GRM1: variants seen among roughly 807,000 people sequenced by gnomAD.
GRM1 encodes the protein metabotropic glutamate receptor 1.
Under a neutral mutation model 90.9 loss-of-function variants are expected in GRM1, and 33 were observed. The ratio of observed to expected loss-of-function variants is 0.36; its 90% CI spans 0.28 to 0.49. GRM1 has a LOEUF of 0.49. Ranked by LOEUF, GRM1 falls within the 20% of genes least tolerant of loss-of-function variation. The pLI is 0.99. For missense variants in GRM1, 1,190 were observed against 1,534.3 expected, an observed-to-expected ratio of 0.78 and a Z score of 3.75; for synonymous variants, 700 against 613.2, an observed-to-expected ratio of 1.14 and a Z score of -2.09.
At chr6:146,100,780 T>C (rs931406295) in intron 1 of GRM1, among the ~76,000 whole-genome samples, 3 of 152,188 alleles carry the variant, frequency 2.0e-5, no homozygotes, top group Non-Finnish European at 2.9e-5. Context: ...AATAATCTGC[T>C]GGTAATATGA....
chr6:146,329,629 G>A (rs1250599855), intron 3 of GRM1, among the ~76,000 whole-genome samples: 2 of 152,172 alleles, frequency 1.3e-5, no homozygotes, highest in African/African-American at 2.4e-5. Flanking sequence ...AATCACAGAT[G>A]CTCCTTGACT....
intron 5 of GRM1, among the ~76,000 whole-genome samples, chr6:146,369,593 C>A (rs776118341): frequency 6.6e-6 from 1 of 151,924 alleles, no homozygotes; most frequent in African/African-American, 2.4e-5. Flanking sequence ...CATTCAGTAG[C>A]GTGTCATTTA....
chr6:146,148,624 C>T (rs1461969627), intron 1 of GRM1, among the ~76,000 whole-genome samples: 1 of 151,820 alleles, frequency 6.6e-6, no homozygotes, highest in African/African-American at 2.4e-5. Context: ...ACTGAAACTT[C>T]GTGGAAAATG....
intron 7 of GRM1, among the ~76,000 whole-genome samples, chr6:146,406,517 T>C (rs1777353143): frequency 6.6e-6 from 1 of 152,104 alleles, no homozygotes; most frequent in Non-Finnish European, 1.5e-5. Context: ...AGCCTGTAAG[T>C]AGGTGCCCTT....
intron 1 of GRM1, among the ~76,000 whole-genome samples, chr6:146,040,049 G>A (rs1027504421): frequency 2.0e-5 from 3 of 151,948 alleles, no homozygotes; most frequent in Admixed American, 2.0e-4. Flanking sequence ...ATTGCCAAGG[G>A]GGTAAGATAT....
At chr6:146,194,510 C>G (rs1341679080) in intron 2 of GRM1, among the ~76,000 whole-genome samples, 1 of 152,176 alleles carries the variant, frequency 6.6e-6, no homozygotes, top group Admixed American at 6.6e-5. Context: ...TTTAATCTTT[C>G]AAAATAAGAG....
chr6:146,191,396 A>G (rs1778931522), intron 2 of GRM1, among the ~76,000 whole-genome samples: 1 of 152,180 alleles, frequency 6.6e-6, no homozygotes, highest in South Asian at 2.1e-4. Context: ...GAGGTGGTTT[A>G]CTGGATGGTT....
intron 7 of GRM1, among the ~76,000 whole-genome samples, chr6:146,428,107 T>A (rs1664595342): frequency 6.6e-6 from 1 of 152,218 alleles, no homozygotes; most frequent in Admixed American, 6.5e-5. Context: ...CAGAATAGGA[T>A]CTATTCAAAC....
intron 2 of GRM1, among the ~76,000 whole-genome samples, chr6:146,203,269 A>G (rs1562527013): frequency 6.6e-6 from 1 of 152,112 alleles, no homozygotes; most frequent in Non-Finnish European, 1.5e-5. Flanking sequence ...GGTTTAATGC[A>G]GAGGAGTTTA....
At chr6:146,368,251 G>GTTT (rs144737520) in intron 5 of GRM1, among the ~76,000 whole-genome samples, 1 of 96,840 alleles carries the variant, frequency 1.0e-5, no homozygotes, top group Non-Finnish European at 2.0e-5. Flanking sequence ...ATTTTCTACA[G>GTTT]TTTTTTTTTG....
At chr6:146,105,085 T>G (rs1019440913) in intron 1 of GRM1, among the ~76,000 whole-genome samples, 2 of 152,214 alleles carry the variant, frequency 1.3e-5, no homozygotes, top group Non-Finnish European at 2.9e-5. Flanking sequence ...TTTTGTAAAG[T>G]TTTCTGTGAT....
At chr6:146,109,008 A>C (rs1398847592) in intron 1 of GRM1, among the ~76,000 whole-genome samples, 2 of 152,194 alleles carry the variant, frequency 1.3e-5, no homozygotes, top group Non-Finnish European at 2.9e-5. Context: ...GGTGCTGTTA[A>C]AGGCATTCAG....
At chr6:146,244,363 G>A (rs1048870275) in intron 2 of GRM1, among the ~76,000 whole-genome samples, 2 of 152,182 alleles carry the variant, frequency 1.3e-5, no homozygotes, top group African/African-American at 4.8e-5. Context: ...AAATGTCCAT[G>A]AAATCTTCAC....
At chr6:146,246,605 G>A (rs1781067760) in intron 2 of GRM1, among the ~76,000 whole-genome samples, 1 of 152,164 alleles carries the variant, frequency 6.6e-6, no homozygotes, top group South Asian at 2.1e-4. Flanking sequence ...AGTTCACCAT[G>A]TTCTATCACA....
rs1562570922 is a variant in GRM1 at position 146,270,845 on chromosome 6, TTCTTTTTC to T, written c.951-33764_951-33757del. On this transcript the variant is annotated intron_variant, in intron 2 of 7. Transcript: ENST00000282753. ...TGCCTGCCTGCCTGCCTGCCTTTCT[TTCTTTTTC>T]TTTCTTTCTTTCTTTCTTTCTTTCT... is the stretch of plus-strand genomic sequence containing the variant. 6.0e-3 allele frequency among the ~76,000 whole-genome samples: 874 copies of T among 146,058 alleles called. 5 individuals are homozygous for T. The highest frequency in any genetic ancestry group is 7.7e-3 in the African/African-American group (297 of 38,516).
At chr6:146,393,239 G>A (rs947118058) in intron 6 of GRM1, among the ~76,000 whole-genome samples, 2 of 152,154 alleles carry the variant, frequency 1.3e-5, no homozygotes, top group Non-Finnish European at 2.9e-5. Flanking sequence ...ACTGGCATGA[G>A]ATGGTGTCTC....
At position 146,435,124 on chromosome 6, in the gene GRM1, C is replaced by G. The variant is rs1057194408; in HGVS notation, c.*328C>G. ...ATAGTGACATCACAAACATAATGTC[C>G]TCTTTTGCACAATTGTGCATAGATA... On this transcript the variant is annotated 3_prime_UTR_variant, in exon 8 of 8. Coordinates refer to ENST00000282753, the MANE Select transcript of GRM1 (RefSeq NM_001278064.2). 1.3e-5 allele frequency: 6 copies of G among 454,936 alleles called. No individual in the cohort carries two copies. Among genetic ancestry groups the G allele is most frequent in the Non-Finnish European group, 2.4e-5 (6 of 245,770 alleles). 28.2% of individuals were successfully genotyped at this position (454,936 alleles called of 1,614,324 possible).
At chr6:146,035,206 CAG>C (rs1790845131) in intron 1 of GRM1, among the ~76,000 whole-genome samples, 2 of 151,836 alleles carry the variant, frequency 1.3e-5, no homozygotes, top group Non-Finnish European at 1.5e-5. Context: ...ATAATAAAAA[CAG>C]AAGTAAGTCC....
intron 1 of GRM1, among the ~76,000 whole-genome samples, chr6:146,108,029 A>T (rs1331774743): frequency 2.0e-5 from 3 of 152,198 alleles, no homozygotes; most frequent in Admixed American, 6.5e-5. Context: ...AGTGCTTTCA[A>T]ATATAAATGT....
Sources: allele counts gnomAD v4.1 joint callset (sites outside exome capture counted in the v4.1 genomes callset), GRCh38; gene constraint gnomAD v4.1.1; transcripts MANE v1.5; gene names NCBI Gene and HGNC (gene_info 2026-07-23, HGNC 2026-07-21).